The following PCSK2 variants were observed in gnomAD, a reference collection of about 807,000 sequenced individuals.
PCSK2 encodes neuroendocrine convertase 2.
PCSK2 carries 14 observed loss-of-function variants against 69.7 expected under a neutral mutation model. The ratio of observed to expected loss-of-function variants is 0.20; its 90% CI spans 0.13 to 0.31. The LOEUF is 0.31. PCSK2 is among the 10% of genes least tolerant of loss of function. PCSK2 has a pLI of 1.00. For missense variants in PCSK2, 544 were observed against 842.5 expected (o/e 0.65, Z 4.39); for synonymous variants, 307 against 320.7 (o/e 0.96, Z 0.46).
chr20:17,269,614 G>T (rs1212082155), intron 2 of PCSK2, among the ~76,000 whole-genome samples: 1 of 152,084 alleles, frequency 6.6e-6, no homozygotes, highest in Non-Finnish European at 1.5e-5. Flanking sequence ...ATGTGTTTGG[G>T]CTGGGTAGTG....
intron 2 of PCSK2, among the ~76,000 whole-genome samples, chr20:17,301,226 G>A (rs1490539104): frequency 6.6e-6 from 1 of 152,192 alleles, no homozygotes; most frequent in African/African-American, 2.4e-5. Flanking sequence ...GCACTGGCTG[G>A]ATGTGGATGC....
At chr20:17,434,344 C>A (rs1466736409) in intron 7 of PCSK2, among the ~76,000 whole-genome samples, 1 of 148,252 alleles carries the variant, frequency 6.7e-6, no homozygotes, top group Non-Finnish European at 1.5e-5. Context: ...TCCCTAAAAA[C>A]CCTTGGGTCA....
At chr20:17,474,027 T>A (rs1169536754) in intron 11 of PCSK2, among the ~76,000 whole-genome samples, 1 of 152,172 alleles carries the variant, frequency 6.6e-6, no homozygotes, top group Non-Finnish European at 1.5e-5. Context: ...TGATCTCTTA[T>A]GATGGAAGGA....
intron 11 of PCSK2, among the ~76,000 whole-genome samples, chr20:17,468,206 G>A (rs142566877): frequency 3.3e-5 from 5 of 151,604 alleles, no homozygotes; most frequent in African/African-American, 1.2e-4. Flanking sequence ...CCGTAGACGA[G>A]CAGCCAACCA....
At chr20:17,406,703 C>T (rs1408914425) in intron 5 of PCSK2, among the ~76,000 whole-genome samples, 2 of 152,162 alleles carry the variant, frequency 1.3e-5, no homozygotes, top group Non-Finnish European at 2.9e-5. Flanking sequence ...AAGATAAGCC[C>T]AAGTGGAAAG....
At position 17,327,421 on chromosome 20, in the gene PCSK2, T is replaced by C. The variant is rs180878640; in HGVS notation, c.283-30906T>C. Among the ~76,000 whole-genome samples, 32 of 152,306 alleles carry C rather than the reference T, an allele frequency of 2.1e-4. No homozygotes were observed. In the East Asian group the frequency reaches 6.0e-3, roughly 29 times the overall value. ...ATTTTCCGAGGGCGCCCGGCCTAAC[T>C]GTAAGTCTCGTGAAGGCAGGGGCCA... On this transcript the variant is annotated intron_variant, in intron 2 of 11. Transcript: ENST00000262545.
chr20:17,453,684 C>A lies in PCSK2; in HGVS notation c.886-58C>A, dbSNP rs116236371. On this transcript the variant is annotated intron_variant, in intron 8 of 11. Transcript: ENST00000262545. The surrounding 1 kb of genome is among the most constrained non-coding windows in gnomAD (Gnocchi z 4.0). ...CCCAACCCCTGGGCTGGAGACCTCC[C>A]CTGCCCCCTCGCAGCCCAGGCTGTG... is the stretch of plus-strand genomic sequence containing the variant. The A allele has an allele frequency of 1.7e-3, 2,669 of 1,596,766 alleles. 35 individuals carry two copies. In the African/African-American group the frequency reaches 0.03, roughly 18 times the overall value.
intron 2 of PCSK2, among the ~76,000 whole-genome samples, chr20:17,268,919 C>T (rs1034509573): frequency 1.3e-5 from 2 of 152,056 alleles, no homozygotes; most frequent in African/African-American, 2.4e-5. Flanking sequence ...TCTTCAAATT[C>T]GTTGATGCAT....
intron 4 of PCSK2, among the ~76,000 whole-genome samples, chr20:17,364,980 A>G (rs1169821478): frequency 1.3e-5 from 2 of 152,214 alleles, no homozygotes; most frequent in African/African-American, 4.8e-5. Context: ...CTTACTCACC[A>G]GAGTGGCTAT....
chr20:17,246,945 G>A (rs1986793489), intron 1 of PCSK2, among the ~76,000 whole-genome samples: 1 of 152,180 alleles, frequency 6.6e-6, no homozygotes, highest in Admixed American at 6.5e-5. Context: ...TTGCTCTGAA[G>A]TTGAAACTCA....
rs2033082052 is a variant in PCSK2, at chr20:17,465,343, G to A, written c.1220G>A (p.Arg407Gln). The part of the protein sequence containing the change: ...ALEANLGLTW[R>Q]DMQHLTVLTS... ...GTATCCAGCCTGGGTCTGACCTGGC[G>A]GGACATGCAGCATCTGACTGTGCTC... is the stretch of plus-strand genomic sequence containing the variant. The change falls in exon 11 of 12, where the codon CGG becomes CAG. Residue 407 changes from arginine (R) to glutamine (Q), a missense_variant. By Grantham distance (43) the Arg-to-Gln change is conservative. Coordinates refer to ENST00000262545, the MANE Select transcript of PCSK2 (RefSeq NM_002594.5). The A allele has an allele frequency of 1.2e-6, 2 of 1,613,976 alleles. No homozygotes were observed. Among genetic ancestry groups the A allele is most frequent in the South Asian group, 1.1e-5 (1 of 91,034 alleles).
intron 2 of PCSK2, among the ~76,000 whole-genome samples, chr20:17,270,880 C>A (rs1428345247): frequency 6.6e-6 from 1 of 152,098 alleles, no homozygotes; most frequent in East Asian, 1.9e-4. Context: ...ATTAACTGTG[C>A]TCTCCTTGAA....
At position 17,275,742 on chromosome 20, in the gene PCSK2, C is replaced by T. The variant is rs554009600; in HGVS notation, c.282+15398C>T. On this transcript the variant is annotated intron_variant, in intron 2 of 11. Transcript: ENST00000262545. ...CAGTCTGCTGGGATCCATCACACTG[C>T]TTGGTCTGGAAAAAGAGGAGGGTGA... Among the ~76,000 whole-genome samples the T allele has an allele frequency of 7.2e-5, 11 of 152,250 alleles. No individual in the cohort carries two copies. In the South Asian group the frequency reaches 2.1e-3, roughly 29 times the overall value.
intron 11 of PCSK2, among the ~76,000 whole-genome samples, chr20:17,467,431 A>T (rs994761798): frequency 2.6e-5 from 4 of 152,238 alleles, no homozygotes; most frequent in Non-Finnish European, 5.9e-5. Context: ...TCTAGTGGCA[A>T]GTCTAATGGC....
At chr20:17,412,531 T>G (rs2031899207) in intron 6 of PCSK2, among the ~76,000 whole-genome samples, 1 of 152,032 alleles carries the variant, frequency 6.6e-6, no homozygotes, top group Admixed American at 6.6e-5. Flanking sequence ...TGGGACTATG[T>G]GAAAAGATCA....
chr20:17,433,307 C>T (rs1473464425), intron 7 of PCSK2, among the ~76,000 whole-genome samples: 9 of 152,142 alleles, frequency 5.9e-5, no homozygotes. Context: ...TTTATCTGAG[C>T]TTTTCAATAA....
At chr20:17,353,227 C>A (rs555481255) in intron 2 of PCSK2, among the ~76,000 whole-genome samples, 1 of 126,528 alleles carries the variant, frequency 7.9e-6, no homozygotes, top group African/African-American at 3.3e-5. Context: ...CTTTGGGAGG[C>A]CAAGGCGGGC....
intron 2 of PCSK2, among the ~76,000 whole-genome samples, chr20:17,347,883 AG>A (rs1319505058): frequency 4.8e-3 from 22 of 4,552 alleles, no homozygotes; most frequent in African/African-American, 9.3e-3. Context: ...AAAGAAAGAA[AG>A]AAAGAAAGAA....
intron 2 of PCSK2, among the ~76,000 whole-genome samples, chr20:17,303,524 AT>A (rs1482485622): frequency 2.6e-5 from 1 of 38,602 alleles, no homozygotes; most frequent in Non-Finnish European, 5.2e-5. Flanking sequence ...ATAATATAAT[AT>A]ATATTATATT....
Sources: allele counts gnomAD v4.1 joint callset (sites outside exome capture counted in the v4.1 genomes callset), GRCh38; gene constraint gnomAD v4.1.1; non-coding constraint Gnocchi (gnomAD v3.1); transcripts MANE v1.5; gene names NCBI Gene and HGNC (gene_info 2026-07-23, HGNC 2026-07-21).